Variants in TCF12 observed in about 807,000 individuals in gnomAD.
TCF12 encodes transcription factor 12, also known as DNA-binding protein HTF4.
TCF12 carries 45 observed loss-of-function variants against 86.0 expected under a neutral mutation model. That is an observed-to-expected ratio of 0.52 (90% confidence interval 0.41 to 0.67). The LOEUF (loss-of-function observed/expected upper bound fraction) is 0.67, where lower values mean the gene tolerates loss of function less well. TCF12 is among the 30% of genes least tolerant of loss of function. TCF12 has a pLI of 0.00. For missense variants in TCF12, 881 were observed against 859.9 expected (o/e 1.02, Z -0.31); for synonymous variants, 330 against 299.6 (o/e 1.10, Z -1.05).
At chr15:56,949,027 GA>G (rs1309219860) in intron 3 of TCF12, among the ~76,000 whole-genome samples, 3 of 152,110 alleles carry the variant, frequency 2.0e-5, no homozygotes, top group Non-Finnish European at 4.4e-5. Context: ...CCAATTTCAT[GA>G]CTTCCAAGAA....
At chr15:57,277,133 C>T (rs1291441290) in intron 19 of TCF12, among the ~76,000 whole-genome samples, 1 of 152,032 alleles carries the variant, frequency 6.6e-6, no homozygotes, top group Non-Finnish European at 1.5e-5. Context: ...CTATACCTTG[C>T]CAGACAATTA....
chr15:57,042,642 G>T (rs969916403), intron 3 of TCF12, among the ~76,000 whole-genome samples: 9 of 152,002 alleles, frequency 5.9e-5, no homozygotes, highest in Admixed American at 3.9e-4. Flanking sequence ...TCGAAGTCTT[G>T]GCTTCAAGTG....
chr15:57,034,514 A>T (rs1054789311), intron 3 of TCF12, among the ~76,000 whole-genome samples: 2 of 152,196 alleles, frequency 1.3e-5, no homozygotes, highest in African/African-American at 4.8e-5. Context: ...CTTGTGTCTT[A>T]TGGTTGTGAA....
chr15:57,167,552 C>G (rs973432284), intron 6 of TCF12, among the ~76,000 whole-genome samples: 8 of 151,366 alleles, frequency 5.3e-5, no homozygotes, highest in Non-Finnish European at 7.4e-5. Context: ...CAGTAAGACT[C>G]TGTCTCAAAA....
chr15:57,238,458 C>T (rs754633011), intron 12 of TCF12, among the ~76,000 whole-genome samples: 3 of 152,140 alleles, frequency 2.0e-5, no homozygotes, highest in Non-Finnish European at 2.9e-5. Flanking sequence ...ATATGGACAG[C>T]TTAGTACATC....
At chr15:57,042,955 T>C (rs1249603967) in intron 3 of TCF12, among the ~76,000 whole-genome samples, 1 of 152,168 alleles carries the variant, frequency 6.6e-6, no homozygotes, top group African/African-American at 2.4e-5. Context: ...CTTCTGCTTC[T>C]GAGTTTCGCT....
At chr15:57,253,621 CTAAG>C (rs2060217044) in intron 16 of TCF12, among the ~76,000 whole-genome samples, 153 bp downstream of exon 16, 1 of 152,152 alleles carries the variant, frequency 6.6e-6, no homozygotes, top group African/African-American at 2.4e-5. Context: ...AAAGTATTGG[CTAAG>C]TATTAGTCCA....
intron 3 of TCF12, among the ~76,000 whole-genome samples, chr15:56,924,100 C>T (rs2059906034): frequency 6.6e-6 from 1 of 152,032 alleles, no homozygotes; most frequent in African/African-American, 2.4e-5. Flanking sequence ...AATGAATTCT[C>T]ATTAAATTAC....
At chr15:56,920,136 C>T in intron 2 of TCF12, 148 bp downstream of exon 2, 1 of 852,066 alleles carries the variant, frequency 1.2e-6, no homozygotes, top group Non-Finnish European at 1.8e-6. Context: ...CAGTAGTTCT[C>T]AGGGCTGGAG....
At position 57,077,327 on chromosome 15, in the gene TCF12, ATGTG is replaced by A. The variant is rs1172206511; in HGVS notation, c.222+13548_222+13551del. Reference sequence around the variant, plus strand: ...TTACTTTCCATATATATGTATATATATGTGTGTGTGTGTGTGTGTGTGTGTGTGT... The same window carrying A: ...TTACTTTCCATATATATGTATATATATGTGTGTGTGTGTGTGTGTGTGTGT... On this transcript the variant is annotated intron_variant, in intron 4 of 20. Coordinates refer to ENST00000333725, the MANE Select transcript of TCF12 (RefSeq NM_207037.2). 0.012 allele frequency among the ~76,000 whole-genome samples: 300 copies of A among 25,678 alleles called. 9 individuals are homozygous for A. In the East Asian group the frequency reaches 0.13, roughly 11 times the overall value. The allele number at this position is 25,678 out of a possible 152,430, so 16.8% of individuals were successfully genotyped here.
chr15:57,223,653 T>TGTTTTGTTTTTTTTTTG (rs1555400235), intron 8 of TCF12, among the ~76,000 whole-genome samples: 1 of 135,294 alleles, frequency 7.4e-6, no homozygotes, highest in African/African-American at 2.8e-5. Flanking sequence ...GTTTTTTTTT[T>TGTTTTGTTTTTTTTTTG]TTTTTTTTTT....
chr15:57,253,847 A>C (rs548699687), intron 16 of TCF12, among the ~76,000 whole-genome samples: 25 of 152,358 alleles, frequency 1.6e-4, no homozygotes, highest in African/African-American at 4.8e-4. Flanking sequence ...AAAGAATGTG[A>C]AACTGTAATT....
At chr15:57,183,877 C>T (rs933083095) in intron 6 of TCF12, among the ~76,000 whole-genome samples, 2 of 152,138 alleles carry the variant, frequency 1.3e-5, no homozygotes, top group African/African-American at 2.4e-5. Flanking sequence ...ACTCCAAAAC[C>T]AGTGCTGTTT....
intron 3 of TCF12, among the ~76,000 whole-genome samples, chr15:57,009,792 T>C (rs1412168228): frequency 1.3e-5 from 2 of 152,234 alleles, no homozygotes; most frequent in African/African-American, 4.8e-5. Flanking sequence ...TTTTTGTCCC[T>C]GGATGGCTCA....
Position 57,253,299 on chromosome 15 carries a change from A to G in TCF12, c.1298A>G (p.Asp433Gly). 1.2e-6 allele frequency: 2 copies of G among 1,614,018 alleles called. No individual in the cohort carries two copies. The highest frequency in any genetic ancestry group is 1.7e-6 in the Non-Finnish European group (2 of 1,179,938). Residue 433 changes from aspartate to glycine, a missense_variant, in exon 16 of 21, where the codon GAT (aspartate) becomes GGT (glycine). Physicochemically the swap from Asp to Gly is moderately conservative, Grantham distance 94. Transcript: ENST00000333725. ...GAGGATCGTTTAGACAGACTGGATG[A>G]TGCAATCCATGTGCTGCGGAACCAT... ...RMEDRLDRLD[D>G]AIHVLRNHAV...
chr15:57,187,372 T>C (rs2056732865), intron 6 of TCF12, among the ~76,000 whole-genome samples: 1 of 152,212 alleles, frequency 6.6e-6, no homozygotes, highest in Non-Finnish European at 1.5e-5. Context: ...TTTTCTACTT[T>C]TACTGATTAC....
At chr15:57,174,849 A>G (rs1379426339) in intron 6 of TCF12, among the ~76,000 whole-genome samples, 5 of 152,220 alleles carry the variant, frequency 3.3e-5, no homozygotes, top group Non-Finnish European at 7.3e-5. Flanking sequence ...GTGAAAACTC[A>G]AACATCTGTT....
Position 57,289,619 on chromosome 15 carries a change from G to GTA in TCF12, c.*3475_*3476insAT, listed in dbSNP as rs1292521313. The GTA allele has an allele frequency of 6.6e-6, 1 of 151,882 alleles. No homozygotes were observed. The highest frequency in any genetic ancestry group is 2.4e-5 in the African/African-American group (1 of 41,334). 9.4% of individuals were successfully genotyped at this position (151,882 alleles called of 1,614,324 possible). A position where few individuals can be genotyped will look rare whatever the true frequency, so the allele number is the denominator to read the frequency against. On this transcript the variant is annotated 3_prime_UTR_variant, in exon 21 of 21. Transcript: ENST00000333725. Reference sequence around the variant, plus strand: ...ACACACGTCGTGTGTGTGTGTGTGTGTGTGTCTGTGTGTGTGTGACTTAAA... The same window carrying GTA: ...ACACACGTCGTGTGTGTGTGTGTGTGTATGTGTCTGTGTGTGTGTGACTTAAA...
intron 3 of TCF12, among the ~76,000 whole-genome samples, chr15:56,962,673 T>A (rs1207190026): frequency 6.6e-6 from 1 of 152,196 alleles, no homozygotes; most frequent in African/African-American, 2.4e-5. Flanking sequence ...AGTTTTCTCA[T>A]TGAACAGAAA....
Sources: gnomAD v4.1 joint callset for allele counts (sites outside exome capture counted in the v4.1 genomes callset) on GRCh38, gnomAD v4.1.1 for gene constraint, MANE v1.5 for transcripts, NCBI Gene and HGNC (gene_info 2026-07-23, HGNC 2026-07-21) for gene names.